The following DCLRE1A variants were observed in gnomAD, a reference collection of about 807,000 sequenced individuals.
The protein encoded by DCLRE1A is DNA cross-link repair 1A protein.
Under a neutral mutation model 91.9 loss-of-function variants are expected in DCLRE1A, and 64 were observed. The ratio of observed to expected loss-of-function variants is 0.70; its 90% confidence interval spans 0.57 to 0.86. The LOEUF is 0.86. DCLRE1A is among the 40% of genes least tolerant of loss of function. The probability of loss-of-function intolerance (pLI) is 0.00; values close to 1 mark genes in which losing one functional copy is unlikely to be tolerated. For missense variants in DCLRE1A, 1,145 were observed against 1,213.3 expected (o/e 0.94, Z 0.84); for synonymous variants, 416 against 431.1 (o/e 0.96, Z 0.43).
chr10:113,853,261 A>T lies in DCLRE1A; in HGVS notation c.-79T>A, dbSNP rs1269636153. 3.0e-6 allele frequency: 4 copies of T among 1,316,636 alleles called. No homozygotes were observed. The highest frequency in any genetic ancestry group is 4.0e-6 in the Non-Finnish European group (4 of 992,510). The allele number at this position is 1,316,636 out of a possible 1,614,324, so 81.6% of individuals were successfully genotyped here. On this transcript the variant is annotated 5_prime_UTR_variant, in exon 1 of 9. Transcript: ENST00000361384. ...CATTTCTTGTCACAAACAAAAAGTT[A>T]TAGAATTATTTTGCTGAGAAAAAAA...
At chr10:113,839,891 T>C (rs538432093) in intron 7 of DCLRE1A, among the ~76,000 whole-genome samples, 1 of 151,290 alleles carries the variant, frequency 6.6e-6, no homozygotes, top group African/African-American at 2.4e-5. Context: ...CTATCAAAAA[T>C]ATAGATTTAA....
At chr10:113,837,237 G>A in intron 7 of DCLRE1A, 34 bp from the exon 8 acceptor site, 1 of 1,588,662 alleles carries the variant, frequency 6.3e-7, no homozygotes, top group South Asian at 1.2e-5. Context: ...GAGGTCAATG[G>A]AGACGAGTTA....
At position 113,852,903 on chromosome 10, in the gene DCLRE1A, T is replaced by C. The variant is rs769488279; in HGVS notation, c.280A>G (p.Lys94Glu). Reference protein sequence around the residue: ...CGDGIQQTQDKETTPGKLCRT... With the variant: ...CGDGIQQTQDEETTPGKLCRT... ...CAGAGTTTTCCTGGAGTAGTTTCCT[T>C]GTCTTGGGTCTGCTGAATACCATCT... The change falls in exon 1 of 9, where the codon AAG becomes GAG. Residue 94 changes from lysine to glutamate, a missense_variant. Transcript: ENST00000361384. The C allele has an allele frequency of 1.9e-5, 30 of 1,613,988 alleles. No individual in the cohort carries two copies. In the African/African-American group the frequency reaches 2.1e-4, roughly 11 times the overall value.
intron 7 of DCLRE1A, among the ~76,000 whole-genome samples, chr10:113,837,516 C>T (rs17235269): frequency 1.3e-5 from 2 of 152,100 alleles, no homozygotes; most frequent in African/African-American, 4.8e-5. Context: ...AACAAAACTA[C>T]TCTCCAAATC....
chr10:113,847,174 A>G lies in DCLRE1A; in HGVS notation c.2259+28T>C, dbSNP rs766848243. On this transcript the variant is annotated intron_variant, in intron 3 of 8. Coordinates refer to ENST00000361384, the MANE Select transcript of DCLRE1A (RefSeq NM_014881.5). ...CTTAGAAATTCACAGCATTCTACAA[A>G]GTCAAAAGTTAGAATACTAAAACTT... is the stretch of plus-strand genomic sequence containing the variant. 9 of 1,551,954 alleles carry G rather than the reference A, an allele frequency of 5.8e-6. No homozygotes were observed. In the Admixed American group the frequency reaches 7.1e-5, roughly 12 times the overall value.
Position 113,854,068 on chromosome 10 carries a change from A to C in DCLRE1A, c.-886T>G. ...CGGGGCCTTAATCATCTCCAGGTTA[A>C]GCATAGCGAGCTCCAAAAAGCCCTC... On this transcript the variant is annotated 5_prime_UTR_variant, in exon 1 of 9. Coordinates refer to ENST00000361384, the MANE Select transcript of DCLRE1A (RefSeq NM_014881.5). 1 of 152,196 alleles carries C rather than the reference A, an allele frequency of 6.6e-6. No individual in the cohort carries two copies. Among genetic ancestry groups the C allele is most frequent in the East Asian group, 1.9e-4 (1 of 5,186 alleles). 9.4% of individuals were successfully genotyped at this position (152,196 alleles called of 1,614,324 possible). A position where few individuals can be genotyped will look rare whatever the true frequency, so the allele number is the denominator to read the frequency against.
intron 2 of DCLRE1A, 43 bp downstream of exon 2, chr10:113,848,937 C>T (rs529964756): frequency 1.5e-5 from 24 of 1,549,500 alleles, no homozygotes; most frequent in Middle Eastern, 1.7e-4. Flanking sequence ...AGTTCAAAAA[C>T]GTTGTCTTTG....
At position 113,849,755 on chromosome 10, in the gene DCLRE1A, T is replaced by C. The variant is rs762285488; in HGVS notation, c.1350A>G (p.Ser450=). 2.5e-6 allele frequency: 4 copies of C among 1,614,098 alleles called. No homozygotes were observed. In the African/African-American group the frequency reaches 5.3e-5, roughly 22 times the overall value. The change falls in exon 2 of 9, where the codon TCA becomes TCG. Residue 450 remains serine (S), a synonymous_variant. Coordinates refer to ENST00000361384, the MANE Select transcript of DCLRE1A (RefSeq NM_014881.5). ...GAAGAGAAACTTGATTGTAAACAGA[T>C]GATTCTTCAATTACCTGTTTCTGTT... ...SNKQKQVIEE[S]SVYNQVSLPL... is the part of the protein sequence containing the mutation.
chr10:113,837,786 A>G (rs1593069566), intron 7 of DCLRE1A, among the ~76,000 whole-genome samples: 1 of 152,184 alleles, frequency 6.6e-6, no homozygotes. Context: ...CTCCCCTTAT[A>G]AGTCTTGAGT....
chr10:113,835,236 T>A lies in DCLRE1A; in HGVS notation c.3039A>T (p.Ile1013=). ...TCCAGGTGCCCACATTTACAGTAGG[T>A]ATGATTTTCTGGGGCTTCAGCCACT... ...FVQWLKPQKI[I]PTVNVGTWKS... is the part of the protein sequence containing the mutation. Residue 1013 remains isoleucine (I), a synonymous_variant, in exon 9 of 9, where the codon ATA becomes ATT. Transcript: ENST00000361384. 6.2e-7 allele frequency: 1 copy of A among 1,614,166 alleles called. No homozygotes were observed. Among genetic ancestry groups the A allele is most frequent in the Non-Finnish European group, 8.5e-7 (1 of 1,180,016 alleles).
intron 7 of DCLRE1A, among the ~76,000 whole-genome samples, chr10:113,840,702 A>T (rs145465385): frequency 1.4e-4 from 21 of 152,198 alleles, no homozygotes; most frequent in African/African-American, 5.1e-4. Context: ...CCTCTCATTC[A>T]TTCTTTTTAT....
In DCLRE1A at chr10:113,853,122, G is replaced by C; in HGVS notation, c.61C>G (p.Arg21Gly). 2 of 1,594,906 alleles carry C rather than the reference G, an allele frequency of 1.3e-6. No individual in the cohort carries two copies. The highest frequency in any genetic ancestry group is 3.7e-5 in the Admixed American group (2 of 54,546). Reference sequence around the variant, plus strand: ...TTAGAGCCATTATTTGGATCAACTCGTTTTGGTTTTCTTTTAGATTTGTAT... The same window carrying C: ...TTAGAGCCATTATTTGGATCAACTCCTTTTGGTTTTCTTTTAGATTTGTAT... The part of the protein sequence containing the change: ...WEYKSKRKPK[R>G]VDPNNGSKNI... The change falls in exon 1 of 9, where the codon CGA (arginine) becomes GGA (glycine). Residue 21 changes from arginine (R) to glycine (G), a missense_variant. Transcript: ENST00000361384.
Position 113,847,278 on chromosome 10 carries a change from T to C in DCLRE1A, c.2183A>G (p.Tyr728Cys), listed in dbSNP as rs1227210053. 9.3e-6 allele frequency: 15 copies of C among 1,613,874 alleles called. No homozygotes were observed. The highest frequency in any genetic ancestry group is 1.2e-5 in the Non-Finnish European group (14 of 1,179,962). ...QYGVVEGCTA[Y>C]FLTHFHSDHY... Reference sequence around the variant, plus strand: ...ATCAGAATGAAAATGTGTGAGAAAATAGGCTGTGCAACCTTCAACCACGCC... The same window carrying C: ...ATCAGAATGAAAATGTGTGAGAAAACAGGCTGTGCAACCTTCAACCACGCC... The change falls in exon 3 of 9, where the codon TAT becomes TGT. Residue 728 changes from tyrosine to cysteine, a missense_variant. Transcript: ENST00000361384.
Position 113,834,992 on chromosome 10 carries a change from C to T in DCLRE1A, c.*160G>A, listed in dbSNP as rs1593067902. On this transcript the variant is annotated 3_prime_UTR_variant, in exon 9 of 9. Transcript: ENST00000361384. ...CTTGATGATGCTGAGAGGCATTCAG[C>T]ACCACGAACATGTTGTTCAAACATA... The T allele has an allele frequency of 2.7e-6, 2 of 742,146 alleles. No homozygotes were observed. The highest frequency in any genetic ancestry group is 5.7e-5 in the East Asian group (2 of 35,226). The allele number at this position is 742,146 out of a possible 1,614,324, so 46.0% of individuals were successfully genotyped here.
chr10:113,834,924 G>A lies in DCLRE1A; in HGVS notation c.*228C>T. 2.5e-6 allele frequency: 1 copy of A among 406,930 alleles called. No homozygotes were observed. The highest frequency in any genetic ancestry group is 4.3e-6 in the Non-Finnish European group (1 of 231,580). The allele number at this position is 406,930 out of a possible 1,614,324, so 25.2% of individuals were successfully genotyped here. ...ATATAACTGCCCATGGAGGGCAGGG[G>A]ACAAGAAATTAAGGGTCCCAGGGAG... On this transcript the variant is annotated 3_prime_UTR_variant, in exon 9 of 9. Transcript: ENST00000361384.
intron 8 of DCLRE1A, 23 bp downstream of exon 8, chr10:113,837,039 G>A (rs778982926): frequency 6.4e-7 from 1 of 1,557,026 alleles, no homozygotes; most frequent in South Asian, 1.2e-5. Flanking sequence ...AACACTAAAA[G>A]TGAGAAAATT....
At position 113,849,170 on chromosome 10, in the gene DCLRE1A, C is replaced by T. The variant is rs552125051; in HGVS notation, c.1935G>A (p.Gln645=). ...KKRCRKSNSL[Q]EGACQKRSDH... ...CTGATCTCTTCTGACACGCTCCTTC[C>T]TGCAGTGAATTTGACTTTCTACATC... The change falls in exon 2 of 9, where the codon CAG becomes CAA. Residue 645 remains glutamine (Q), a synonymous_variant. Transcript: ENST00000361384. The T allele has an allele frequency of 1.9e-5, 31 of 1,614,084 alleles. No individual in the cohort carries two copies. The African/African-American group carries it at 2.7e-4, about 14-fold the overall frequency.
intron 1 of DCLRE1A, among the ~76,000 whole-genome samples, chr10:113,852,262 G>T (rs1845663073): frequency 6.6e-6 from 1 of 152,216 alleles, no homozygotes; most frequent in African/African-American, 2.4e-5. Context: ...CATGAACCTA[G>T]GAAGCGGAGC....
chr10:113,846,920 C>A (rs973423894), intron 3 of DCLRE1A, among the ~76,000 whole-genome samples: 1 of 152,126 alleles, frequency 6.6e-6, no homozygotes, highest in Non-Finnish European at 1.5e-5. Context: ...CCTTGAGAAT[C>A]CATTTAGGCT....
Sources: allele counts gnomAD v4.1 joint callset (sites outside exome capture counted in the v4.1 genomes callset), GRCh38; gene constraint gnomAD v4.1.1; transcripts MANE v1.5; gene names NCBI Gene and HGNC (gene_info 2026-07-23, HGNC 2026-07-21).